CDX4: variants seen among roughly 807,000 people sequenced by gnomAD.
CDX4 encodes the protein caudal type homeobox 4.
CDX4 carries 11 observed loss-of-function variants against 14.1 expected under a neutral mutation model. That is an observed-to-expected ratio of 0.78 (90% confidence interval 0.49 to 1.29). The LOEUF (loss-of-function observed/expected upper bound fraction) is 1.29, where lower values mean the gene tolerates loss of function less well. Among genes scored for constraint, CDX4 ranks in the 50% most tolerant of loss-of-function variants. The pLI is 0.00. For missense variants in CDX4, 257 were observed against 237.4 expected (o/e 1.08, Z -0.54); for synonymous variants, 100 against 93.5 (o/e 1.07, Z -0.40).
chrX:73,452,343 C>T, intron 1 of CDX4, among the ~76,000 whole-genome samples: 1 of 109,121 alleles, frequency 9.2e-6, no homozygotes, highest in Middle Eastern at 4.7e-3. Flanking sequence ...TCCTACAGAT[C>T]GCCCCCAAAA....
At chrX:73,451,070 A>G (rs2057085368) in intron 1 of CDX4, among the ~76,000 whole-genome samples, 1 of 111,732 alleles carries the variant, frequency 8.9e-6, no homozygotes, top group Non-Finnish European at 1.9e-5. Context: ...GATAGTATTA[A>G]TTTCCTAAAT....
At position 73,447,344 on chromosome X, in the gene CDX4, G is replaced by C; in HGVS notation, c.91G>C (p.Gly31Arg). Residue 31 changes from glycine (G) to arginine (R), a missense_variant, in exon 1 of 3, where the codon GGC becomes CGC. By Grantham distance (125) the Gly-to-Arg change is moderately radical. Coordinates refer to ENST00000373514, the MANE Select transcript of CDX4 (RefSeq NM_005193.2). ...GGGCGACGGCACAGCTGGGACAGGCGGCACAGGGGGCGGTGGGAGTCCGAT... is the reference window on the plus strand; with the variant it reads ...GGGCGACGGCACAGCTGGGACAGGCCGCACAGGGGGCGGTGGGAGTCCGAT... ...PGGDGTAGTG[G>R]TGGGGSPMPA... The C allele has an allele frequency of 8.3e-7, 1 of 1,211,147 alleles. No individual in the cohort carries two copies. Among genetic ancestry groups the C allele is most frequent in the Non-Finnish European group, 1.1e-6 (1 of 895,264 alleles).
Position 73,454,707 on chromosome X carries a change from G to A in CDX4, c.*122G>A. ...TGTAAGGCAGTATTTGGAACAGATG[G>A]ATGCACAATGGGTTGAAGATAATTT... On this transcript the variant is annotated 3_prime_UTR_variant, in exon 3 of 3. Coordinates refer to ENST00000373514, the MANE Select transcript of CDX4 (RefSeq NM_005193.2). 2.1e-6 allele frequency: 1 copy of A among 478,479 alleles called. No individual in the cohort carries two copies. Among genetic ancestry groups the A allele is most frequent in the Non-Finnish European group, 3.6e-6 (1 of 280,662 alleles). 39.4% of individuals were successfully genotyped at this position (478,479 alleles called of 1,213,427 possible).
intron 1 of CDX4, among the ~76,000 whole-genome samples, chrX:73,449,008 T>G (rs1336452134): frequency 3.6e-5 from 4 of 111,471 alleles, no homozygotes; most frequent in African/African-American, 1.3e-4. Context: ...CTCACTAGAG[T>G]AGCGATCCCA....
At chrX:73,451,874 A>AT (rs1311417205) in intron 1 of CDX4, among the ~76,000 whole-genome samples, 22 of 111,924 alleles carry the variant, frequency 2.0e-4, no homozygotes, top group Non-Finnish European at 3.6e-4. Flanking sequence ...CCAAGTTTTC[A>AT]TTTTTTTCTC....
At position 73,447,282 on chromosome X, in the gene CDX4, A is replaced by G; in HGVS notation, c.29A>G (p.Glu10Gly). 8.3e-7 allele frequency: 1 copy of G among 1,210,041 alleles called. No homozygotes were observed. Residue 10 changes from glutamate (E) to glycine (G), a missense_variant, in exon 1 of 3, where the codon GAA becomes GGA. Physicochemically the swap from Glu to Gly is moderately conservative, Grantham distance 98. Transcript: ENST00000373514. MYGSCLLEK[E>G]AGMYPGTLMS... ...TACGGAAGCTGTCTTTTGGAGAAAG[A>G]AGCAGGCATGTACCCGGGCACTCTC...
intron 1 of CDX4, among the ~76,000 whole-genome samples, chrX:73,450,401 G>A (rs1261232780): frequency 9.0e-6 from 1 of 111,577 alleles, no homozygotes; most frequent in Non-Finnish European, 1.9e-5. Context: ...AAGTTTCTAT[G>A]GAAAATTTAA....
chrX:73,454,232 C>A, intron 2 of CDX4, 147 bp from the exon 3 acceptor site: 1 of 456,699 alleles, frequency 2.2e-6, no homozygotes, highest in Non-Finnish European at 3.8e-6. Context: ...TTTTTCTAAC[C>A]TGTTAAGTGG....
chrX:73,447,754 G>A lies in CDX4; in HGVS notation c.501G>A (p.Thr167=). The A allele has an allele frequency of 8.6e-7, 1 of 1,162,509 alleles. No homozygotes were observed. Among genetic ancestry groups the A allele is most frequent in the Non-Finnish European group, 1.1e-6 (1 of 875,394 alleles). The change falls in exon 1 of 3, where the codon ACG becomes ACA. Residue 167 remains threonine, a splice_region_variant and synonymous_variant. Coordinates refer to ENST00000373514, the MANE Select transcript of CDX4 (RefSeq NM_005193.2). ...YAWMRKTVQV[T]GKTRTKEKYR... ...GGATGCGCAAGACGGTGCAGGTGAC[G>A]GGTGAGTAATCAATTCCAATGCCCA...
chrX:73,452,432 G>A (rs938865071), intron 1 of CDX4, among the ~76,000 whole-genome samples: 7 of 110,944 alleles, frequency 6.3e-5, no homozygotes, highest in African/African-American at 2.3e-4. Flanking sequence ...TCCTGGAGGA[G>A]GGTAGAGAAA....
chrX:73,452,794 T>C (rs1471955179), intron 1 of CDX4, among the ~76,000 whole-genome samples: 1 of 111,996 alleles, frequency 8.9e-6, no homozygotes, highest in South Asian at 3.7e-4. Flanking sequence ...AACTATAATG[T>C]TAGGATCCCA....
Position 73,447,487 on chromosome X carries a change from C to T in CDX4, c.234C>T (p.Pro78=). ...SLGVWGSPYS[P]PREDWSVYPG... is the part of the protein sequence containing the mutation. ...GAGTCTGGGGCTCACCCTACAGTCC[C>T]CCGCGAGAAGACTGGAGCGTGTATC... Residue 78 remains proline, a synonymous_variant, in exon 1 of 3, where the codon CCC becomes CCT. Coordinates refer to ENST00000373514, the MANE Select transcript of CDX4 (RefSeq NM_005193.2). 8.3e-7 allele frequency: 1 copy of T among 1,211,946 alleles called. No homozygotes were observed. Among genetic ancestry groups the T allele is most frequent in the Non-Finnish European group, 1.1e-6 (1 of 895,464 alleles).
chrX:73,449,692 T>C (rs746392051), intron 1 of CDX4, among the ~76,000 whole-genome samples: 3 of 112,191 alleles, frequency 2.7e-5, no homozygotes, highest in African/African-American at 9.7e-5. Context: ...ATAACCCTTT[T>C]GCTGTATTCT....
chrX:73,451,022 T>C (rs1315253350), intron 1 of CDX4, among the ~76,000 whole-genome samples: 2 of 111,530 alleles, frequency 1.8e-5, no homozygotes, highest in African/African-American at 3.3e-5. Flanking sequence ...ACTACAGAAG[T>C]TTTTCTGACT....
intron 1 of CDX4, 88 bp downstream of exon 1, chrX:73,447,843 G>A: frequency 9.5e-7 from 1 of 1,056,531 alleles, no homozygotes; most frequent in Non-Finnish European, 1.3e-6. Context: ...GTACTTCTCA[G>A]GCCTCTCCCA....
intron 1 of CDX4, among the ~76,000 whole-genome samples, chrX:73,451,447 A>G (rs2057086375): frequency 9.0e-6 from 1 of 111,503 alleles, no homozygotes; most frequent in South Asian, 3.8e-4. Flanking sequence ...CTTATCTGTC[A>G]GATTTTGGCA....
chrX:73,450,710 T>A (rs2057084340), intron 1 of CDX4, among the ~76,000 whole-genome samples: 1 of 112,041 alleles, frequency 8.9e-6, no homozygotes, highest in Non-Finnish European at 1.9e-5. Flanking sequence ...TTGGATGCAA[T>A]TTTTAGCTAA....
rs2057076142 is a variant in CDX4 at position 73,447,859 on chromosome X, G to T, written c.502+104G>T. 3 of 959,505 alleles carry T rather than the reference G, an allele frequency of 3.1e-6. No homozygotes were observed. The African/African-American group carries it at 5.8e-5, about 19-fold the overall frequency. 79.1% of individuals were successfully genotyped at this position (959,505 alleles called of 1,213,427 possible). On this transcript the variant is annotated intron_variant, in intron 1 of 2. Transcript: ENST00000373514. ...TACTTCTCAGGCCTCTCCCAAGAGG[G>T]CTTAGCTGAGGCGACCCCTATATGG...
At chrX:73,449,478 C>T (rs1036964660) in intron 1 of CDX4, among the ~76,000 whole-genome samples, 1 of 111,571 alleles carries the variant, frequency 9.0e-6, no homozygotes, top group African/African-American at 3.3e-5. Context: ...GGTTTCGAAA[C>T]GGGCTCCTTA....
Sources: allele counts gnomAD v4.1 joint callset (sites outside exome capture counted in the v4.1 genomes callset), GRCh38; gene constraint gnomAD v4.1.1; transcripts MANE v1.5; gene names NCBI Gene and HGNC (gene_info 2026-07-23, HGNC 2026-07-21).